The following KHDRBS2 variants were observed in gnomAD, a reference collection of about 807,000 sequenced individuals.
The protein encoded by KHDRBS2 is KH RNA binding domain containing, signal transduction associated 2.
In KHDRBS2, 26 loss-of-function variants were observed where a neutral mutation model predicts 44.3. The observed-to-expected ratio is 0.59, with a 90% CI of 0.43 to 0.81. The LOEUF (loss-of-function observed/expected upper bound fraction) is 0.81, where lower values mean the gene tolerates loss of function less well. Among genes scored for constraint, KHDRBS2 ranks in the 40% least tolerant of loss-of-function variants. KHDRBS2 has a pLI of 0.00. For missense variants in KHDRBS2, 476 were observed against 433.1 expected, an observed-to-expected ratio of 1.10 and a Z score of -0.88; for synonymous variants, 194 against 151.1, an observed-to-expected ratio of 1.28 and a Z score of -2.08.
intron 1 of KHDRBS2, among the ~76,000 whole-genome samples, chr6:62,247,021 A>T (rs1835687450): frequency 6.6e-6 from 1 of 152,012 alleles, no homozygotes; most frequent in South Asian, 2.1e-4. Context: ...CAATTTCCAA[A>T]CATATTCACA....
chr6:62,107,693 A>G (rs1350461409), intron 2 of KHDRBS2, among the ~76,000 whole-genome samples: 1 of 152,214 alleles, frequency 6.6e-6, no homozygotes, highest in Non-Finnish European at 1.5e-5. Context: ...ACTTCAAACT[A>G]TACTACAAGG....
chr6:62,017,155 ATCT>A (rs563374455), intron 3 of KHDRBS2, among the ~76,000 whole-genome samples: 84 of 152,230 alleles, frequency 5.5e-4, no homozygotes, highest in African/African-American at 1.9e-3. Flanking sequence ...TTTCTTCCTA[ATCT>A]TCAGATTGAT....
intron 3 of KHDRBS2, among the ~76,000 whole-genome samples, chr6:62,003,090 C>A (rs187417328): frequency 6.6e-6 from 1 of 151,862 alleles, no homozygotes; most frequent in Admixed American, 6.6e-5. Context: ...ACTCATTTTT[C>A]TTTGCAGGTA....
At chr6:62,159,285 T>C (rs188266790) in intron 2 of KHDRBS2, among the ~76,000 whole-genome samples, 301 of 152,300 alleles carry the variant, frequency 2.0e-3, no homozygotes, top group Non-Finnish European at 3.7e-3. Flanking sequence ...AGCTAGGCAT[T>C]ACAGTTGAGT....
intron 2 of KHDRBS2, among the ~76,000 whole-genome samples, chr6:62,125,513 C>A (rs1011731297): frequency 6.6e-6 from 1 of 152,158 alleles, no homozygotes; most frequent in African/African-American, 2.4e-5. Context: ...AGATACTAGC[C>A]GGGGCAGCCA....
chr6:61,745,461 A>G lies in KHDRBS2; in HGVS notation c.811-12697T>C, dbSNP rs1776728240. On this transcript the variant is annotated intron_variant, in intron 6 of 8. Transcript: ENST00000281156. The stretch of plus-strand genomic sequence containing the variant: ...TAGTTTGCTAATGGATCTATTTTAA[A>G]TGTGTTAATGCTTTATGTACTTCAT... Among the ~76,000 whole-genome samples the G allele has an allele frequency of 1.3e-5, 2 of 152,116 alleles. 1 individual carries two copies. Among genetic ancestry groups the G allele is most frequent in the African/African-American group, 4.8e-5 (2 of 41,436 alleles).
At chr6:61,624,446 G>T in the KHDRBS2 span, among the ~76,000 whole-genome samples, 1 of 152,186 alleles carries the variant, frequency 6.6e-6, no homozygotes, top group African/African-American at 2.4e-5. Flanking sequence ...CCCTCACAGG[G>T]ATAGAAATAC....
chr6:61,747,732 G>T (rs1213992457), intron 6 of KHDRBS2, among the ~76,000 whole-genome samples: 1 of 152,018 alleles, frequency 6.6e-6, no homozygotes, highest in Admixed American at 6.6e-5. Context: ...CTTATCATTG[G>T]AAATATATTA....
At chr6:61,602,422 G>T in the KHDRBS2 span, among the ~76,000 whole-genome samples, 3 of 152,086 alleles carry the variant, frequency 2.0e-5, no homozygotes, top group Non-Finnish European at 2.9e-5. Flanking sequence ...TGTAGCCCAG[G>T]ATTCCTCCTA....
intron 4 of KHDRBS2, among the ~76,000 whole-genome samples, chr6:61,938,627 T>TA (rs1186495558): frequency 2.6e-5 from 4 of 152,326 alleles, no homozygotes; most frequent in Non-Finnish European, 5.9e-5. Context: ...GGCATGGCAG[T>TA]AACTCAGTTC....
rs138445752 is a variant in KHDRBS2, at chr6:62,003,582, C to A, written c.337-25370G>T. ...AATAATGATGACAGACTTTAAAACT[C>A]CACTGTCAATATCAGACAGATCAAA... On this transcript the variant is annotated intron_variant, in intron 3 of 8. Transcript: ENST00000281156. 2.6e-5 allele frequency among the ~76,000 whole-genome samples: 4 copies of A among 152,146 alleles called. No individual in the cohort carries two copies. In the East Asian group the frequency reaches 7.7e-4, roughly 29 times the overall value.
the KHDRBS2 span, among the ~76,000 whole-genome samples, chr6:61,600,584 T>C: frequency 6.6e-6 from 1 of 152,120 alleles, no homozygotes; most frequent in East Asian, 1.9e-4. Flanking sequence ...TAAAAAGCTT[T>C]ACTGCTCACA....
At chr6:61,781,285 A>C (rs1346086352) in intron 6 of KHDRBS2, among the ~76,000 whole-genome samples, 2 of 152,162 alleles carry the variant, frequency 1.3e-5, no homozygotes, top group African/African-American at 4.8e-5. Flanking sequence ...ATGGTTTTCC[A>C]AAATAACTGA....
intron 7 of KHDRBS2, among the ~76,000 whole-genome samples, chr6:61,712,959 G>C (rs1442107026): frequency 6.6e-6 from 1 of 151,496 alleles, no homozygotes; most frequent in Non-Finnish European, 1.5e-5. Flanking sequence ...TTCTTAAATA[G>C]GGTGTCTGAA....
chr6:62,261,901 T>A (rs1838407027), intron 1 of KHDRBS2, among the ~76,000 whole-genome samples: 1 of 151,796 alleles, frequency 6.6e-6, no homozygotes, highest in Non-Finnish European at 1.5e-5. Context: ...CCCATAAATA[T>A]CAGTTGTGGA....
At chr6:61,576,286 T>G in the KHDRBS2 span, among the ~76,000 whole-genome samples, 1 of 152,168 alleles carries the variant, frequency 6.6e-6, no homozygotes, top group Non-Finnish European at 1.5e-5. Context: ...GTGTTCCTTG[T>G]GTAGATCCTT....
At chr6:62,193,784 A>G (rs1332801863) in intron 1 of KHDRBS2, among the ~76,000 whole-genome samples, 3 of 152,148 alleles carry the variant, frequency 2.0e-5, no homozygotes, top group Non-Finnish European at 2.9e-5. Flanking sequence ...CATGTATGCA[A>G]TGTTATTTCA....
chr6:62,065,083 A>G (rs34447881), intron 2 of KHDRBS2, among the ~76,000 whole-genome samples: 9,986 of 152,196 alleles, frequency 0.066, 398 homozygotes, highest in Middle Eastern at 0.13. Flanking sequence ...CCACAATGAG[A>G]TACCATCTCA....
At chr6:62,131,772 A>G (rs1406918123) in intron 2 of KHDRBS2, among the ~76,000 whole-genome samples, 1 of 152,234 alleles carries the variant, frequency 6.6e-6, no homozygotes, top group Non-Finnish European at 1.5e-5. Context: ...CAGGGAGAAG[A>G]CAAGTAAAGA....
Sources: allele counts gnomAD v4.1 joint callset (sites outside exome capture counted in the v4.1 genomes callset), GRCh38; gene constraint gnomAD v4.1.1; transcripts MANE v1.5; gene names NCBI Gene and HGNC (gene_info 2026-07-23, HGNC 2026-07-21).